The following CSMD1 variants were observed in gnomAD, a reference collection of about 807,000 sequenced individuals.
CSMD1 encodes CUB and sushi domain-containing protein 1.
Under a neutral mutation model 417.5 loss-of-function variants are expected in CSMD1, and 213 were observed. That is an observed-to-expected ratio of 0.51 (90% CI 0.46 to 0.57). The LOEUF (loss-of-function observed/expected upper bound fraction) is 0.57. Among genes scored for constraint, CSMD1 ranks in the 20% least tolerant of loss-of-function variants. The pLI, the probability that CSMD1 is intolerant of heterozygous loss-of-function variation, is 0.00. For missense variants in CSMD1, 6,923 were observed against 4,529.7 expected (o/e 1.53, Z -15.17); for synonymous variants, 2,862 against 1,736.8 (o/e 1.65, Z -16.11).
chr8:3,960,439 A>G lies in CSMD1; in HGVS notation c.818+37464T>C, dbSNP rs142595578. 3.6e-3 allele frequency among the ~76,000 whole-genome samples: 543 copies of G among 152,308 alleles called. 12 individuals are homozygous for G. The highest frequency in any genetic ancestry group is 0.025 in the Admixed American group (375 of 15,282). ...TAGATAGTCCCTCAATGCTAGTGAG[A>G]AATACAATTTTCAACACAGGGGCGA... On this transcript the variant is annotated intron_variant, in intron 5 of 69. Transcript: ENST00000635120.
At chr8:3,637,449 G>T (rs779590240) in intron 7 of CSMD1, among the ~76,000 whole-genome samples, 1 of 152,058 alleles carries the variant, frequency 6.6e-6, no homozygotes, top group East Asian at 1.9e-4. Flanking sequence ...TCTAACATTT[G>T]ATAAGGTAAT....
intron 2 of CSMD1, among the ~76,000 whole-genome samples, chr8:4,594,593 C>CTTT (rs1800160210): frequency 6.6e-6 from 1 of 152,096 alleles, no homozygotes; most frequent in Admixed American, 6.6e-5. Flanking sequence ...CACAACTTAA[C>CTTT]CCATAACAGG....
At chr8:3,982,277 G>A (rs370906124) in intron 5 of CSMD1, among the ~76,000 whole-genome samples, 1 of 151,280 alleles carries the variant, frequency 6.6e-6, no homozygotes, top group African/African-American at 2.4e-5. Flanking sequence ...TTAAATCCTG[G>A]TCTACATTCC....
intron 5 of CSMD1, among the ~76,000 whole-genome samples, chr8:3,942,382 G>A (rs1465548448): frequency 6.6e-6 from 1 of 152,068 alleles, no homozygotes; most frequent in East Asian, 1.9e-4. Context: ...CTTAACCCAA[G>A]CACCTTTTCT....
chr8:3,432,161 T>G (rs960101705), intron 12 of CSMD1, among the ~76,000 whole-genome samples: 2 of 152,180 alleles, frequency 1.3e-5, no homozygotes, highest in African/African-American at 4.8e-5. Context: ...TGGTAATACC[T>G]GAACTTCTTA....
chr8:4,398,061 T>C (rs995454801), intron 3 of CSMD1, among the ~76,000 whole-genome samples: 2 of 152,216 alleles, frequency 1.3e-5, no homozygotes, highest in African/African-American at 2.4e-5. Context: ...AAATATCAAA[T>C]AGCTAGTATT....
chr8:4,017,974 C>A (rs1264500797), intron 4 of CSMD1, among the ~76,000 whole-genome samples: 2 of 152,150 alleles, frequency 1.3e-5, no homozygotes, highest in Non-Finnish European at 2.9e-5. Context: ...TGCATTTATA[C>A]ATGTTGCATT....
At chr8:3,562,761 C>A (rs1799523843) in intron 10 of CSMD1, among the ~76,000 whole-genome samples, 1 of 151,534 alleles carries the variant, frequency 6.6e-6, no homozygotes, top group African/African-American at 2.4e-5. Context: ...TAATACGGAG[C>A]CTATTGGAGG....
chr8:4,714,671 T>C (rs193125503), intron 1 of CSMD1, among the ~76,000 whole-genome samples: 1 of 152,272 alleles, frequency 6.6e-6, no homozygotes, highest in Non-Finnish European at 1.5e-5. Flanking sequence ...GTCTTTAATT[T>C]CATTTAAAAG....
chr8:3,166,165 C>T (rs9969481), intron 37 of CSMD1, among the ~76,000 whole-genome samples: 23,113 of 151,788 alleles, frequency 0.15, 3,034 homozygotes, highest in African/African-American at 0.35. Context: ...TCTTTTTAGA[C>T]TTTTAAAAAG....
In CSMD1 at chr8:3,743,847, A is replaced by C. The variant is rs117849960; in HGVS notation, c.931+10083T>G. Among the ~76,000 whole-genome samples the C allele has an allele frequency of 1.7e-3, 257 of 151,938 alleles. 1 individual carries two copies. The highest frequency in any genetic ancestry group is 2.9e-3 in the Non-Finnish European group (195 of 67,934). On this transcript the variant is annotated intron_variant, in intron 6 of 69. Coordinates refer to ENST00000635120, the MANE Select transcript of CSMD1 (RefSeq NM_033225.6). ...AAATGCATATCTGCTTCCTCCTCTA[A>C]CCAATTTCGTCTATGTTATCGTATG...
chr8:4,717,545 TCTAC>T (rs1250777004), intron 1 of CSMD1, among the ~76,000 whole-genome samples: 2 of 138,566 alleles, frequency 1.4e-5, no homozygotes, highest in East Asian at 2.0e-4. Context: ...TGTCTGTCTG[TCTAC>T]CTATCTATCT....
At chr8:4,050,973 G>C (rs1585208778) in intron 3 of CSMD1, among the ~76,000 whole-genome samples, 1 of 152,140 alleles carries the variant, frequency 6.6e-6, no homozygotes, top group Non-Finnish European at 1.5e-5. Context: ...AAAGGCTGCA[G>C]ATGGAGGAGG....
intron 1 of CSMD1, among the ~76,000 whole-genome samples, chr8:4,944,739 A>T (rs1429146685): frequency 6.6e-6 from 1 of 152,190 alleles, no homozygotes; most frequent in Non-Finnish European, 1.5e-5. Flanking sequence ...AATCAATAAA[A>T]ACAAAATAGC....
chr8:3,968,593 G>A (rs562839217), intron 5 of CSMD1, among the ~76,000 whole-genome samples: 1 of 152,156 alleles, frequency 6.6e-6, no homozygotes, highest in Admixed American at 6.5e-5. Context: ...ATTTCAGATG[G>A]AATATTCGCT....
In CSMD1 at chr8:3,367,539, C is replaced by T. The variant is rs188569800; in HGVS notation, c.2900-292G>A. ...TTTTTCTGGACTTAGACACATCAAG[C>T]CTTAATCAAAATATTAAAATGTTAT... On this transcript the variant is annotated intron_variant, in intron 19 of 69. Coordinates refer to ENST00000635120, the MANE Select transcript of CSMD1 (RefSeq NM_033225.6). Among the ~76,000 whole-genome samples the T allele has an allele frequency of 2.5e-4, 38 of 151,882 alleles. 1 individual carries two copies. In the South Asian group the frequency reaches 3.9e-3, roughly 16 times the overall value.
chr8:4,863,231 AATC>A (rs1249972548), intron 1 of CSMD1, among the ~76,000 whole-genome samples: 1 of 152,160 alleles, frequency 6.6e-6, no homozygotes, highest in African/African-American at 2.4e-5. Flanking sequence ...GAGGAAAAAT[AATC>A]ATGTGTTTTG....
rs1396572739 is a variant in CSMD1 at position 3,345,399 on chromosome 8, C to T, written c.3475-1949G>A. ...AGCACTGGGTCCAACCACCGAAACC[C>T]CAGAGAAAGTGTATGTCGTTGATGA... On this transcript the variant is annotated intron_variant, in intron 22 of 69. Coordinates refer to ENST00000635120, the MANE Select transcript of CSMD1 (RefSeq NM_033225.6). 4.6e-5 allele frequency among the ~76,000 whole-genome samples: 7 copies of T among 152,186 alleles called. No homozygotes were observed. The East Asian group carries it at 1.4e-3, about 29-fold the overall frequency.
At chr8:4,853,337 C>G (rs972190990) in intron 1 of CSMD1, among the ~76,000 whole-genome samples, 7 of 152,288 alleles carry the variant, frequency 4.6e-5, no homozygotes, top group African/African-American at 1.7e-4. Context: ...TGCAAGGTGG[C>G]TGTTCCCTGC....
Sources: allele counts gnomAD v4.1 joint callset (sites outside exome capture counted in the v4.1 genomes callset), GRCh38; gene constraint gnomAD v4.1.1; transcripts MANE v1.5; gene names NCBI Gene and HGNC (gene_info 2026-07-23, HGNC 2026-07-21).